Variants in NR2E1 observed in about 807,000 individuals in gnomAD.
NR2E1 encodes nuclear receptor TLX.
NR2E1 carries 5 observed loss-of-function variants against 43.6 expected under a neutral mutation model. That is an observed-to-expected ratio of 0.11 (90% CI 0.06 to 0.24). The LOEUF is 0.24. NR2E1 is among the 10% of genes least tolerant of loss of function. The pLI is 1.00. For synonymous variants in NR2E1, 191 were observed against 195.5 expected (o/e 0.98, Z 0.19); for missense variants, 287 against 496.7 (o/e 0.58, Z 4.01).
intron 3 of NR2E1, chr6:108,176,276 G>T: frequency 3.4e-6 from 2 of 592,138 alleles, no homozygotes; most frequent in Non-Finnish European, 6.0e-6. Flanking sequence ...GGCACTTTGA[G>T]CACGGGCCCC....
In NR2E1 at chr6:108,180,522, A is replaced by G; in HGVS notation, c.739+103A>G. 2 of 859,864 alleles carry G rather than the reference A, an allele frequency of 2.3e-6. No individual in the cohort carries two copies. Among genetic ancestry groups the G allele is most frequent in the South Asian group, 1.4e-5 (1 of 73,652 alleles). The allele number at this position is 859,864 out of a possible 1,614,324, so 53.3% of individuals were successfully genotyped here. On this transcript the variant is annotated intron_variant, in intron 6 of 8. Transcript: ENST00000368986. The surrounding 1 kb of genome is among the most constrained non-coding windows in gnomAD (Gnocchi z 5.4). ...AAGAATAACAAATTCCTGCTGAACA[A>G]TAGAGTATACCTGTCATTTATAAAT...
chr6:108,176,168 G>A (rs2114675952), intron 3 of NR2E1: 1 of 371,378 alleles, frequency 2.7e-6, no homozygotes, highest in Non-Finnish European at 4.9e-6. Flanking sequence ...CAGCCCAGAG[G>A]GTCTCTGGTT....
chr6:108,166,804 G>C lies in NR2E1; in HGVS notation c.25+14G>C, dbSNP rs745593079. On this transcript the variant is annotated intron_variant, in intron 1 of 8. Coordinates refer to ENST00000368986, the MANE Select transcript of NR2E1 (RefSeq NM_003269.5). This position sits in a 1 kb window ranked among gnomAD's most constrained non-coding sequence, Gnocchi z 7.2. ...CCGGATCAACAAGTGGGTACCTCTCGGGCCGCCGTGGGGCCTAGGCGCGCA... is the reference window on the plus strand; with the variant it reads ...CCGGATCAACAAGTGGGTACCTCTCCGGCCGCCGTGGGGCCTAGGCGCGCA... The C allele has an allele frequency of 3.1e-6, 5 of 1,589,636 alleles. No individual in the cohort carries two copies. Among genetic ancestry groups the C allele is most frequent in the East Asian group, 4.5e-5 (2 of 44,054 alleles).
chr6:108,187,651 G>A lies in NR2E1; in HGVS notation c.*188G>A, dbSNP rs562701901. On this transcript the variant is annotated 3_prime_UTR_variant, in exon 9 of 9. Coordinates refer to ENST00000368986, the MANE Select transcript of NR2E1 (RefSeq NM_003269.5). ...CCTGCCGCCCTGACCAGGATAGGGC[G>A]GGTGGGAAGGAGAGGGGTGCAACAG... The A allele has an allele frequency of 2.1e-4, 132 of 625,278 alleles. No individual in the cohort carries two copies. The highest frequency in any genetic ancestry group is 1.7e-3 in the East Asian group (57 of 33,344). The allele number at this position is 625,278 out of a possible 1,614,324, so 38.7% of individuals were successfully genotyped here.
Position 108,166,063 on chromosome 6 carries a change from T to C in NR2E1, c.-703T>C, listed in dbSNP as rs1773703650. On this transcript the variant is annotated 5_prime_UTR_variant, in exon 1 of 9. Transcript: ENST00000368986. This position sits in a 1 kb window ranked among gnomAD's most constrained non-coding sequence, Gnocchi z 7.2. ...CTGCCTGTCAGAGCGCTTCTGGAGA[T>C]ATTACAGGGGACCCAGCCCGCAGCG... 6.5e-6 allele frequency: 1 copy of C among 152,710 alleles called. No individual in the cohort carries two copies. The highest frequency in any genetic ancestry group is 2.1e-4 in the South Asian group (1 of 4,840). The allele number at this position is 152,710 out of a possible 1,614,324, so 9.5% of individuals were successfully genotyped here. A position where few individuals can be genotyped will look rare whatever the true frequency, so the allele number is the denominator to read the frequency against.
At chr6:108,185,409 T>TACACACACACACAC (rs3040212) in intron 8 of NR2E1, among the ~76,000 whole-genome samples, 11 of 146,898 alleles carry the variant, frequency 7.5e-5, no homozygotes, top group Admixed American at 2.1e-4. Flanking sequence ...CACACACACA[T>TACACACACACACAC]ACACACACAC....
chr6:108,182,715 C>T lies in NR2E1; in HGVS notation c.995+1064C>T, dbSNP rs557952252. On this transcript the variant is annotated intron_variant, in intron 8 of 8. Transcript: ENST00000368986. Reference sequence around the variant, plus strand: ...CTGGGATTACAGGTGCCTGCCACCACGCCCAGCTAATTTTTGTATTTTCAG... The same window carrying T: ...CTGGGATTACAGGTGCCTGCCACCATGCCCAGCTAATTTTTGTATTTTCAG... Among the ~76,000 whole-genome samples, 37 of 152,118 alleles carry T rather than the reference C, an allele frequency of 2.4e-4. 1 individual carries two copies. In the South Asian group the frequency reaches 6.2e-3, roughly 26 times the overall value.
At chr6:108,168,933 A>G (rs1773759472) in intron 1 of NR2E1, 1 of 152,284 alleles carries the variant, frequency 6.6e-6, no homozygotes, top group Non-Finnish European at 1.5e-5. Flanking sequence ...TAATTACAGT[A>G]ATCGAAGCTG....
In NR2E1 at chr6:108,180,569, G is replaced by T; in HGVS notation, c.739+150G>T. On this transcript the variant is annotated intron_variant, in intron 6 of 8. Transcript: ENST00000368986. This position sits in a 1 kb window ranked among gnomAD's most constrained non-coding sequence, Gnocchi z 5.4. Reference sequence around the variant, plus strand: ...AAATCTATATTTAAATGCAAATAATGTTGTTTTGTTGTATTCATGACTGCT... The same window carrying T: ...AAATCTATATTTAAATGCAAATAATTTTGTTTTGTTGTATTCATGACTGCT... The T allele has an allele frequency of 1.4e-6, 1 of 738,220 alleles. No individual in the cohort carries two copies. Among genetic ancestry groups the T allele is most frequent in the South Asian group, 1.6e-5 (1 of 62,784 alleles). 45.7% of individuals were successfully genotyped at this position (738,220 alleles called of 1,614,324 possible). A position where few individuals can be genotyped will look rare whatever the true frequency, so the allele number is the denominator to read the frequency against.
intron 2 of NR2E1, among the ~76,000 whole-genome samples, chr6:108,172,262 G>A (rs930749139): frequency 1.3e-5 from 2 of 152,196 alleles, no homozygotes; most frequent in South Asian, 2.1e-4. Context: ...AAAAGGGCAG[G>A]GTGAGGAAGA....
rs114600586 is a variant in NR2E1 at position 108,169,792 on chromosome 6, C to G, written c.26-1666C>G. Among the ~76,000 whole-genome samples the G allele has an allele frequency of 0.063, 9,596 of 152,038 alleles. 380 individuals are homozygous for G. The highest frequency in any genetic ancestry group is 0.17 in the South Asian group (828 of 4,810). On this transcript the variant is annotated intron_variant, in intron 1 of 8. Transcript: ENST00000368986. The surrounding 1 kb of genome is among the most constrained non-coding windows in gnomAD (Gnocchi z 6.1). ...CCTCCCGCCCTGTGGGAGGGGGGCG[C>G]CGAGCCGGTGGCCGCCGCGCCGCGC...
intron 1 of NR2E1, among the ~76,000 whole-genome samples, chr6:108,170,970 C>G (rs1460471493): frequency 1.3e-5 from 2 of 152,218 alleles, no homozygotes; most frequent in Non-Finnish European, 2.9e-5. Flanking sequence ...CGGCGGAGCT[C>G]AGAGAAAACT....
intron 8 of NR2E1, among the ~76,000 whole-genome samples, chr6:108,183,613 G>T (rs927745772): frequency 3.3e-5 from 5 of 152,162 alleles, no homozygotes; most frequent in Non-Finnish European, 7.3e-5. Context: ...TAATGGGTCA[G>T]AGAAATCCCA....
In NR2E1 at chr6:108,176,487, CTGTT is replaced by C; in HGVS notation, c.260-13_260-10del. ...TCTCTAATCGCCGGCATGCGTTTCT[CTGTT>C]TGCCTCTGCAGCCGTGCAGCACGAG... On this transcript the variant is annotated splice_polypyrimidine_tract_variant and intron_variant, in intron 3 of 8. Coordinates refer to ENST00000368986, the MANE Select transcript of NR2E1 (RefSeq NM_003269.5). 5 of 1,611,696 alleles carry C rather than the reference CTGTT, an allele frequency of 3.1e-6. No individual in the cohort carries two copies. The highest frequency in any genetic ancestry group is 3.4e-6 in the Non-Finnish European group (4 of 1,179,086).
chr6:108,177,023 G>A (rs767565823), intron 4 of NR2E1, among the ~76,000 whole-genome samples: 33 of 152,182 alleles, frequency 2.2e-4, no homozygotes, highest in Non-Finnish European at 4.4e-4. Flanking sequence ...TGGAGGCCAG[G>A]AACCTGCACC....
chr6:108,179,885 C>T (rs1036089100), intron 5 of NR2E1, among the ~76,000 whole-genome samples: 3 of 152,098 alleles, frequency 2.0e-5, no homozygotes, highest in Non-Finnish European at 4.4e-5. Context: ...TCTCCCAGCC[C>T]AGCCCCCTCA....
At chr6:108,171,363 A>G in intron 1 of NR2E1, 95 bp from the exon 2 acceptor site, 1 of 1,319,896 alleles carries the variant, frequency 7.6e-7, no homozygotes, top group Non-Finnish European at 1.1e-6. Context: ...CAGATTGCTT[A>G]GCATCTCTCT....
At chr6:108,177,548 C>T (rs1242039255) in intron 4 of NR2E1, among the ~76,000 whole-genome samples, 1 of 152,258 alleles carries the variant, frequency 6.6e-6, no homozygotes, top group Non-Finnish European at 1.5e-5. Context: ...TTTAATATGG[C>T]TTTCTTACCC....
chr6:108,171,951 A>G (rs1364083264), intron 2 of NR2E1, among the ~76,000 whole-genome samples: 1 of 152,172 alleles, frequency 6.6e-6, no homozygotes, highest in Non-Finnish European at 1.5e-5. Context: ...CATCTAAACC[A>G]CAAGTAGCAA....
Sources: allele counts gnomAD v4.1 joint callset (sites outside exome capture counted in the v4.1 genomes callset), GRCh38; gene constraint gnomAD v4.1.1; non-coding constraint Gnocchi (gnomAD v3.1); transcripts MANE v1.5; gene names NCBI Gene and HGNC (gene_info 2026-07-23, HGNC 2026-07-21).